The following NALF1 variants were observed in gnomAD, a reference collection of about 807,000 sequenced individuals.
The protein encoded by NALF1 is family with sequence similarity 155 member A.
NALF1 carries 3 observed loss-of-function variants against 48.4 expected under a neutral mutation model. The ratio of observed to expected loss-of-function variants is 0.06; its 90% CI spans 0.03 to 0.16. The LOEUF is 0.16. NALF1 is among the 10% of genes least tolerant of loss of function. The pLI is 1.00. For synonymous variants in NALF1, 262 were observed against 245.7 expected (o/e 1.07, Z -0.62); for missense variants, 526 against 571.5 (o/e 0.92, Z 0.81).
intron 1 of NALF1, among the ~76,000 whole-genome samples, chr13:107,666,807 G>A (rs1210677564): frequency 3.3e-5 from 5 of 151,902 alleles, no homozygotes; most frequent in African/African-American, 1.2e-4. Flanking sequence ...ATAATTTCAC[G>A]TTTTGATCCA....
intron 1 of NALF1, among the ~76,000 whole-genome samples, chr13:107,286,414 T>G (rs1881493613): frequency 6.6e-6 from 1 of 151,844 alleles, no homozygotes; most frequent in Non-Finnish European, 1.5e-5. Context: ...GAGCAGATCC[T>G]TTATGCCAGG....
chr13:107,419,626 G>A (rs919417668), intron 1 of NALF1, among the ~76,000 whole-genome samples: 23 of 152,076 alleles, frequency 1.5e-4, no homozygotes, highest in South Asian at 8.3e-4. Context: ...TAAAAACTAC[G>A]ATTCTAATAA....
chr13:107,258,074 A>T (rs1443879056), intron 1 of NALF1, among the ~76,000 whole-genome samples: 8 of 152,204 alleles, frequency 5.3e-5, no homozygotes, highest in African/African-American at 1.7e-4. Context: ...TTGGGAGAAG[A>T]TAATTTGCTT....
intron 1 of NALF1, among the ~76,000 whole-genome samples, chr13:107,809,772 T>C (rs1204593292): frequency 6.6e-6 from 1 of 152,076 alleles, no homozygotes; most frequent in Non-Finnish European, 1.5e-5. Context: ...AGTCCACCCA[T>C]ACACGTGTCT....
intron 1 of NALF1, among the ~76,000 whole-genome samples, chr13:107,595,745 A>C (rs1878727057): frequency 6.6e-6 from 1 of 152,304 alleles, no homozygotes; most frequent in Non-Finnish European, 1.5e-5. Context: ...AAAAGTGAAA[A>C]CTCAGAACAA....
chr13:107,511,083 C>A (rs1362534878), intron 1 of NALF1, among the ~76,000 whole-genome samples: 1 of 152,164 alleles, frequency 6.6e-6, no homozygotes. Context: ...ATGTCCCATG[C>A]TTTCCCACGC....
intron 1 of NALF1, among the ~76,000 whole-genome samples, chr13:107,709,507 A>G (rs1875504614): frequency 6.6e-6 from 1 of 152,236 alleles, no homozygotes; most frequent in South Asian, 2.1e-4. Context: ...ATCTAACCAC[A>G]AATGTGCTTC....
intron 1 of NALF1, among the ~76,000 whole-genome samples, chr13:107,627,120 T>G (rs1034645293): frequency 7.5e-6 from 1 of 133,308 alleles, no homozygotes; most frequent in Non-Finnish European, 1.7e-5. Flanking sequence ...TTGTCCCTTG[T>G]GGAAATATTT....
At chr13:107,251,645 A>C (rs2138844895) in intron 1 of NALF1, among the ~76,000 whole-genome samples, 1 of 152,322 alleles carries the variant, frequency 6.6e-6, no homozygotes, top group African/African-American at 2.4e-5. Flanking sequence ...GAATTCTGTT[A>C]TGGAAAAGTC....
At chr13:107,551,409 C>T (rs1396128910) in intron 1 of NALF1, among the ~76,000 whole-genome samples, 2 of 152,072 alleles carry the variant, frequency 1.3e-5, no homozygotes, top group Non-Finnish European at 2.9e-5. Flanking sequence ...AATGACAACA[C>T]AACAAACCCT....
intron 1 of NALF1, among the ~76,000 whole-genome samples, chr13:107,467,674 G>A (rs180847413): frequency 6.6e-6 from 1 of 152,196 alleles, no homozygotes; most frequent in Admixed American, 6.5e-5. Flanking sequence ...CCATATGAGA[G>A]GCAAATAAGA....
At chr13:107,744,038 G>C (rs959363944) in intron 1 of NALF1, among the ~76,000 whole-genome samples, 4 of 152,194 alleles carry the variant, frequency 2.6e-5, no homozygotes, top group Admixed American at 2.6e-4. Flanking sequence ...ACAGACTTAA[G>C]AGTACAGCAG....
intron 2 of NALF1, among the ~76,000 whole-genome samples, chr13:107,176,316 G>GTTT (rs5806633): frequency 1.9e-4 from 24 of 123,558 alleles, no homozygotes; most frequent in Non-Finnish European, 3.1e-4. Context: ...CAACCTCACA[G>GTTT]TTTTTTTTTT....
At chr13:107,325,887 T>TATACACACACAC (rs752320518) in intron 1 of NALF1, among the ~76,000 whole-genome samples, 7 of 58,908 alleles carry the variant, frequency 1.2e-4, no homozygotes, top group South Asian at 8.7e-4. Flanking sequence ...TATATATATA[T>TATACACACACAC]ACACACACAC....
At chr13:107,508,018 T>C (rs1875758990) in intron 1 of NALF1, among the ~76,000 whole-genome samples, 1 of 152,084 alleles carries the variant, frequency 6.6e-6, no homozygotes, top group Non-Finnish European at 1.5e-5. Context: ...TAGAAAAAAA[T>C]AGTAATAAGC....
At chr13:107,313,749 T>C (rs1882090013) in intron 1 of NALF1, among the ~76,000 whole-genome samples, 1 of 152,190 alleles carries the variant, frequency 6.6e-6, no homozygotes, top group Admixed American at 6.5e-5. Flanking sequence ...GTAAATTGTA[T>C]ATTTAGTGAA....
intron 1 of NALF1, among the ~76,000 whole-genome samples, chr13:107,682,636 TG>T (rs1329229023): frequency 3.3e-5 from 5 of 152,086 alleles, no homozygotes; most frequent in Non-Finnish European, 5.9e-5. Flanking sequence ...CTTTTTAAAA[TG>T]GGTACTCTTT....
chr13:107,803,624 A>G (rs890638727), intron 1 of NALF1, among the ~76,000 whole-genome samples: 2 of 152,174 alleles, frequency 1.3e-5, no homozygotes, highest in Non-Finnish European at 2.9e-5. Flanking sequence ...GCAAAGGCTG[A>G]ACTCTTTGAG....
chr13:107,658,830 C>T (rs1237341316), intron 1 of NALF1, among the ~76,000 whole-genome samples: 2 of 151,972 alleles, frequency 1.3e-5, no homozygotes, highest in East Asian at 1.9e-4. Flanking sequence ...TCTGCCTTAA[C>T]ACCACGAAAA....
Sources: gnomAD v4.1 joint callset for allele counts (sites outside exome capture counted in the v4.1 genomes callset) on GRCh38, gnomAD v4.1.1 for gene constraint, MANE v1.5 for transcripts, NCBI Gene and HGNC (gene_info 2026-07-23, HGNC 2026-07-21) for gene names.